Variants in SORBS2 observed in about 807,000 individuals in gnomAD.
The protein encoded by SORBS2 is sorbin and SH3 domain containing 2, also known as sorbin and SH3 domain-containing protein 2.
Under a neutral mutation model 97.7 loss-of-function variants are expected in SORBS2, and 46 were observed. The observed-to-expected ratio is 0.47, with a 90% CI of 0.37 to 0.60. SORBS2 has a LOEUF of 0.60. Ranked by LOEUF, SORBS2 falls within the 20% of genes least tolerant of loss-of-function variation. The probability of loss-of-function intolerance (pLI) is 0.00; values close to 1 mark genes in which losing one functional copy is unlikely to be tolerated. For missense variants in SORBS2, 1,316 were observed against 1,282.3 expected, an observed-to-expected ratio of 1.03 and a Z score of -0.40; for synonymous variants, 476 against 473.4, an observed-to-expected ratio of 1.01 and a Z score of -0.07.
At chr4:185,674,272 G>A (rs979353738) in intron 4 of SORBS2, among the ~76,000 whole-genome samples, 6 of 152,146 alleles carry the variant, frequency 3.9e-5, no homozygotes, top group African/African-American at 1.4e-4. Context: ...TCAGCTGATG[G>A]CGATGCTATC....
At chr4:185,875,127 T>G (rs1242024232) in intron 1 of SORBS2, among the ~76,000 whole-genome samples, 1 of 152,110 alleles carries the variant, frequency 6.6e-6, no homozygotes, top group African/African-American at 2.4e-5. Flanking sequence ...AAAACTTTCC[T>G]GGTTAAAAAT....
intron 1 of SORBS2, among the ~76,000 whole-genome samples, chr4:185,656,455 T>C (rs1428811600): frequency 6.7e-6 from 1 of 149,914 alleles, no homozygotes; most frequent in Non-Finnish European, 1.5e-5. Flanking sequence ...TTTTTTTTTT[T>C]CCTGCTCTCT....
intron 1 of SORBS2, among the ~76,000 whole-genome samples, chr4:185,777,118 A>G (rs1003914437): frequency 2.6e-5 from 4 of 152,200 alleles, no homozygotes; most frequent in Non-Finnish European, 5.9e-5. Flanking sequence ...CCTTTGGCTC[A>G]ATAGACCTTA....
chr4:185,928,155 CAT>C (rs1359259321), intron 1 of SORBS2, among the ~76,000 whole-genome samples: 1 of 152,014 alleles, frequency 6.6e-6, no homozygotes, highest in Non-Finnish European at 1.5e-5. Context: ...CCTGTAATTT[CAT>C]CACTTTGGGG....
intron 1 of SORBS2, among the ~76,000 whole-genome samples, chr4:185,953,270 C>T (rs534425274): frequency 7.2e-5 from 11 of 152,286 alleles, no homozygotes; most frequent in South Asian, 4.1e-4. Flanking sequence ...GCCGAGATTG[C>T]GCCACCGCAC....
intron 1 of SORBS2, among the ~76,000 whole-genome samples, chr4:185,928,084 T>C (rs2099264572): frequency 6.6e-6 from 1 of 151,438 alleles, no homozygotes; most frequent in Non-Finnish European, 1.5e-5. Context: ...TTAAGTCACT[T>C]ATAGAGGGCA....
Position 185,623,081 on chromosome 4 carries a change from C to G in SORBS2, c.2048G>C (p.Arg683Thr), listed in dbSNP as rs779519688. Reference sequence around the variant, plus strand: ...GAGAGGCTGGTGCAGGGGGCTCCTCCTCAGCGCTCTCAGGGATGAGTTCCT... The same window carrying G: ...GAGAGGCTGGTGCAGGGGGCTCCTCGTCAGCGCTCTCAGGGATGAGTTCCT... The change falls in exon 7 of 15, where the codon AGG becomes ACG. Residue 683 changes from arginine (R) to threonine (T), a missense_variant. Arg to Thr is a moderately conservative substitution (Grantham distance 71). Transcript: ENST00000418609. The surrounding 1 kb of genome is among the most constrained non-coding windows in gnomAD (Gnocchi z 6.4). 6.2e-7 allele frequency: 1 copy of G among 1,614,026 alleles called. No individual in the cohort carries two copies. The highest frequency in any genetic ancestry group is 8.5e-7 in the Non-Finnish European group (1 of 1,180,032).
intron 2 of SORBS2, among the ~76,000 whole-genome samples, chr4:185,691,619 A>G (rs1205483642): frequency 6.6e-6 from 1 of 152,218 alleles, no homozygotes; most frequent in Non-Finnish European, 1.5e-5. Flanking sequence ...GACACAGGAA[A>G]TAGATGGTCA....
intron 4 of SORBS2, 70 bp from the exon 14 acceptor site, chr4:185,639,105 T>C (rs983294897): frequency 7.3e-7 from 1 of 1,372,368 alleles, no homozygotes; most frequent in Non-Finnish European, 9.7e-7. Context: ...GAGGACACCC[T>C]GGCAGCGCGC....
rs1491116547 is a variant in SORBS2 at position 185,877,867 on chromosome 4, C to CAAAAAAAAAAAAAAAAA, written c.-338+78328_-338+78329insTTTTTTTTTTTTTTTTT. ...CCTGGGTGACAGAGTGAGACTCTGT[C>CAAAAAAAAAAAAAAAAA]AAAAAACAAAAAAAAAAAAGAAAGA... On this transcript the variant is annotated intron_variant, in intron 1 of 20. Coordinates refer to the SORBS2 transcript ENST00000284776. Among the ~76,000 whole-genome samples, 23 of 50,382 alleles carry CAAAAAAAAAAAAAAAAA rather than the reference C, an allele frequency of 4.6e-4. 1 individual carries two copies. The highest frequency in any genetic ancestry group is 0.015 in the Middle Eastern group (1 of 68). The allele number at this position is 50,382 out of a possible 152,430, so 33.1% of individuals were successfully genotyped here. A position where few individuals can be genotyped will look rare whatever the true frequency, so the allele number is the denominator to read the frequency against.
chr4:185,822,370 AGAG>A (rs1015350480), intron 1 of SORBS2, among the ~76,000 whole-genome samples: 3 of 152,198 alleles, frequency 2.0e-5, no homozygotes, highest in South Asian at 2.1e-4. Context: ...AGACCCCCAA[AGAG>A]GAGGAAACGC....
At chr4:185,936,682 G>T in intron 1 of SORBS2, among the ~76,000 whole-genome samples, 1 of 152,088 alleles carries the variant, frequency 6.6e-6, no homozygotes, top group Non-Finnish European at 1.5e-5. Context: ...TGAGTATTCT[G>T]TCTCTTTGTC....
intron 4 of SORBS2, chr4:185,675,195 T>A (rs1413025828): frequency 2.6e-5 from 4 of 152,230 alleles, no homozygotes; most frequent in East Asian, 1.9e-4. Context: ...TCAGCTTGTT[T>A]TCAAACATCA....
At chr4:185,868,142 C>CTTTTTTTTT in intron 1 of SORBS2, among the ~76,000 whole-genome samples, 1 of 89,660 alleles carries the variant, frequency 1.1e-5, no homozygotes, top group Non-Finnish European at 2.3e-5. Context: ...TTTCTCTTTT[C>CTTTTTTTTT]TTTTCTTTTT....
Position 185,593,894 on chromosome 4 carries a change from C to G in SORBS2, c.2838G>C (p.Gly946=), listed in dbSNP as rs149932614. 8 of 1,602,910 alleles carry G rather than the reference C, an allele frequency of 5.0e-6. No individual in the cohort carries two copies. In the South Asian group the frequency reaches 5.5e-5, roughly 11 times the overall value. The change falls in exon 13 of 15, where the codon GGG becomes GGC. Residue 946 remains glycine (G), a synonymous_variant. Transcript: ENST00000418609. ...ATAAGAAGAATACTTACGGTTCCCC[C>G]CCACCTTGAATATTTTCATGAGTAA...
chr4:185,800,662 CCT>C (rs560338270), intron 1 of SORBS2, among the ~76,000 whole-genome samples: 31 of 152,194 alleles, frequency 2.0e-4, no homozygotes, highest in African/African-American at 6.0e-4. Flanking sequence ...CATTTCTCTC[CCT>C]CTCTCCTCTT....
chr4:185,869,175 A>G (rs1379604272), intron 1 of SORBS2, among the ~76,000 whole-genome samples: 1 of 152,174 alleles, frequency 6.6e-6, no homozygotes, highest in Non-Finnish European at 1.5e-5. Context: ...GCGATCTTAT[A>G]AATAATTGAG....
chr4:185,944,294 G>A (rs1043012230), intron 1 of SORBS2, among the ~76,000 whole-genome samples: 80 of 152,288 alleles, frequency 5.3e-4, no homozygotes, highest in African/African-American at 1.8e-3. Context: ...GCCACTGTGT[G>A]GCCACTAGCC....
rs529628752 is a variant in SORBS2 at position 185,648,047 on chromosome 4, C to A, written c.282-1265G>T. Among the ~76,000 whole-genome samples the A allele has an allele frequency of 6.6e-5, 10 of 152,232 alleles. No individual in the cohort carries two copies. The South Asian group carries it at 2.1e-3, about 32-fold the overall frequency. On this transcript the variant is annotated intron_variant, in intron 3 of 14. Transcript: ENST00000418609. Reference sequence around the variant, plus strand: ...AGGAGATTGGTATTAAAATGAGACCCCTTTCACACACGATGTGTGTGTTTT... The same window carrying A: ...AGGAGATTGGTATTAAAATGAGACCACTTTCACACACGATGTGTGTGTTTT...
Sources: gnomAD v4.1 joint callset for allele counts (sites outside exome capture counted in the v4.1 genomes callset) on GRCh38, gnomAD v4.1.1 for gene constraint, Gnocchi (gnomAD v3.1) non-coding constraint, MANE v1.5 for transcripts, NCBI Gene and HGNC (gene_info 2026-07-23, HGNC 2026-07-21) for gene names.